Variants in PCDHAC1 observed in about 807,000 individuals in gnomAD.
PCDHAC1 encodes protocadherin alpha subfamily C, 1.
In PCDHAC1, 42 loss-of-function variants were observed where a neutral mutation model predicts 60.0. The observed-to-expected ratio is 0.70, with a 90% CI of 0.55 to 0.90. The LOEUF (loss-of-function observed/expected upper bound fraction) is 0.90. Ranked by LOEUF, PCDHAC1 falls within the 40% of genes least tolerant of loss-of-function variation. PCDHAC1 has a pLI of 0.00. For missense variants in PCDHAC1, 1,160 were observed against 1,222.3 expected, an observed-to-expected ratio of 0.95 and a Z score of 0.76; for synonymous variants, 468 against 499.3, an observed-to-expected ratio of 0.94 and a Z score of 0.84.
chr5:141,004,682 T>G (rs1002761253), intron 3 of PCDHAC1, among the ~76,000 whole-genome samples: 2 of 152,184 alleles, frequency 1.3e-5, no homozygotes, highest in South Asian at 4.1e-4. Flanking sequence ...TGTGGAGTGG[T>G]GCTGAAACCC....
intron 1 of PCDHAC1, among the ~76,000 whole-genome samples, chr5:140,938,157 G>A (rs532966795): frequency 6.6e-6 from 1 of 151,904 alleles, no homozygotes; most frequent in East Asian, 1.9e-4. Context: ...CATTGCCCAG[G>A]CTAGTCTGGA....
At chr5:140,966,622 G>C in intron 1 of PCDHAC1, 1 of 854,486 alleles carries the variant, frequency 1.2e-6, no homozygotes, top group Non-Finnish European at 1.6e-6. Flanking sequence ...TACGGAGGGA[G>C]CGGCCCCAGG....
In PCDHAC1 at chr5:141,011,716, A is replaced by G. The variant is rs975588316; in HGVS notation, c.*1779A>G. 6.5e-6 allele frequency: 1 copy of G among 153,764 alleles called. No homozygotes were observed. Among genetic ancestry groups the G allele is most frequent in the African/African-American group, 2.4e-5 (1 of 41,450 alleles). 9.5% of individuals were successfully genotyped at this position (153,764 alleles called of 1,614,324 possible). On this transcript the variant is annotated 3_prime_UTR_variant, in exon 4 of 4. Transcript: ENST00000253807. Reference sequence around the variant, plus strand: ...TTGGAATGAATACTGACAATATTCCATGAGGGTGTGCAAGCACAAATTTTA... The same window carrying G: ...TTGGAATGAATACTGACAATATTCCGTGAGGGTGTGCAAGCACAAATTTTA...
chr5:140,968,203 G>A, intron 1 of PCDHAC1: 5 of 1,614,018 alleles, frequency 3.1e-6, no homozygotes, highest in Non-Finnish European at 4.2e-6. Context: ...TCTACATACA[G>A]GAGAACAATT....
intron 3 of PCDHAC1, among the ~76,000 whole-genome samples, chr5:141,000,226 G>A (rs2097897321): frequency 6.6e-6 from 1 of 151,546 alleles, no homozygotes; most frequent in Non-Finnish European, 1.5e-5. Context: ...TGCCTGTGTG[G>A]AGCTGAATGT....
chr5:140,933,388 GCCATCTGGTTA>G (rs1563137793), intron 1 of PCDHAC1, among the ~76,000 whole-genome samples: 2 of 151,906 alleles, frequency 1.3e-5, no homozygotes, highest in Non-Finnish European at 2.9e-5. Context: ...TGTTCCTAGA[GCCATCTGGTTA>G]CCATCTACAG....
At chr5:140,990,029 A>G (rs1343846819) in intron 3 of PCDHAC1, among the ~76,000 whole-genome samples, 1 of 152,146 alleles carries the variant, frequency 6.6e-6, no homozygotes, top group African/African-American at 2.4e-5. Context: ...AAAGGATGGG[A>G]GAAGTCAGTC....
chr5:140,974,467 A>C (rs2096628825), intron 1 of PCDHAC1, among the ~76,000 whole-genome samples: 1 of 152,228 alleles, frequency 6.6e-6, no homozygotes, highest in Non-Finnish European at 1.5e-5. Context: ...TTCAGAGGAA[A>C]GTATTCCACC....
intron 1 of PCDHAC1, among the ~76,000 whole-genome samples, chr5:140,937,626 A>G (rs2091639486): frequency 6.6e-6 from 1 of 150,782 alleles, no homozygotes; most frequent in Non-Finnish European, 1.5e-5. Context: ...AAAAAGAAAA[A>G]GAAAGGCAGG....
At position 140,947,028 on chromosome 5, in the gene PCDHAC1, T is replaced by C. The variant is rs111523441; in HGVS notation, c.2433+17703T>C. Among the ~76,000 whole-genome samples the C allele has an allele frequency of 4.6e-3, 693 of 151,852 alleles. 1 individual carries two copies. Among genetic ancestry groups the C allele is most frequent in the Middle Eastern group, 6.8e-3 (2 of 294 alleles). ...AATGATAAATGTTTGAGGTAATGGA[T>C]ATACTAATTACCCTGATTTGATCAT... On this transcript the variant is annotated intron_variant, in intron 1 of 3. Transcript: ENST00000253807.
chr5:140,970,473 CA>C (rs1177454514), intron 1 of PCDHAC1, among the ~76,000 whole-genome samples: 4 of 151,956 alleles, frequency 2.6e-5, no homozygotes, highest in African/African-American at 9.7e-5. Flanking sequence ...GGTATAAGGC[CA>C]GCTTGTTCAT....
chr5:140,962,787 C>T (rs2095707732), intron 1 of PCDHAC1, among the ~76,000 whole-genome samples: 1 of 152,224 alleles, frequency 6.6e-6, no homozygotes, highest in Non-Finnish European at 1.5e-5. Context: ...TTTTTAAAAA[C>T]TACTTTGGAC....
intron 2 of PCDHAC1, 91 bp from the exon 3 acceptor site, chr5:140,982,384 C>T (rs1245752901): frequency 6.3e-7 from 1 of 1,584,990 alleles, no homozygotes; most frequent in African/African-American, 1.3e-5. Context: ...GCAGCCCTGG[C>T]TTCATAGTTG....
At chr5:140,969,224 T>A (rs782172299) in intron 1 of PCDHAC1, 1 of 1,614,100 alleles carries the variant, frequency 6.2e-7, no homozygotes, top group East Asian at 2.2e-5. Context: ...ACCAGGGCCT[T>A]CGGGAGCCCA....
At chr5:141,007,395 CAA>C (rs35800918) in intron 3 of PCDHAC1, among the ~76,000 whole-genome samples, 1,140 of 94,858 alleles carry the variant, frequency 0.012, 9 homozygotes, top group South Asian at 0.036. Context: ...TACTAAAATA[CAA>C]AAAAAAAAAA....
chr5:140,966,520 C>T, intron 1 of PCDHAC1: 1 of 437,694 alleles, frequency 2.3e-6, no homozygotes, highest in East Asian at 3.5e-5. Context: ...CAGCAGGAAG[C>T]CGAGCCGGGT....
chr5:140,969,167 T>G (rs1554231527), intron 1 of PCDHAC1: 1 of 1,613,668 alleles, frequency 6.2e-7, no homozygotes. Flanking sequence ...GACAGCAGGC[T>G]CAGGGAGTGA....
chr5:140,961,155 G>C (rs1214072320), intron 1 of PCDHAC1, among the ~76,000 whole-genome samples: 3 of 152,126 alleles, frequency 2.0e-5, no homozygotes, highest in Non-Finnish European at 4.4e-5. Context: ...TATTATTTCA[G>C]TACATATCTA....
At chr5:140,955,438 A>C (rs975663366) in intron 1 of PCDHAC1, among the ~76,000 whole-genome samples, 2 of 151,994 alleles carry the variant, frequency 1.3e-5, no homozygotes, top group African/African-American at 4.8e-5. Context: ...ATTAGGTCTG[A>C]TGGTTTTATA....
Sources: gnomAD v4.1 joint callset for allele counts (sites outside exome capture counted in the v4.1 genomes callset) on GRCh38, gnomAD v4.1.1 for gene constraint, MANE v1.5 for transcripts, NCBI Gene and HGNC (gene_info 2026-07-23, HGNC 2026-07-21) for gene names.